Variants in NBPF12 observed in about 807,000 individuals in gnomAD.
NBPF12 encodes NBPF family member NBPF12.
NBPF12 carries 115 observed loss-of-function variants against 146.4 expected under a neutral mutation model. The ratio of observed to expected loss-of-function variants is 0.79; its 90% CI spans 0.68 to 0.92. The LOEUF is 0.92. Among genes scored for constraint, NBPF12 ranks in the 40% least tolerant of loss-of-function variants. The pLI is 0.00. For synonymous variants in NBPF12, 385 were observed against 508.9 expected (o/e 0.76, Z 3.28); for missense variants, 1,205 against 1,326.8 (o/e 0.91, Z 1.43).
chr1:146,970,632 A>C lies in NBPF12; in HGVS notation c.1307-15A>C, dbSNP rs1656541194. On this transcript the variant is annotated splice_polypyrimidine_tract_variant and intron_variant, in intron 11 of 33. Coordinates refer to ENST00000617844, the Ensembl canonical transcript of NBPF12. ...TGAAGTGGAAAATATCTGAACGAAC[A>C]TTTTGTATTTATAGAAAATGATGAA... is the stretch of plus-strand genomic sequence containing the variant. 6.4e-7 allele frequency: 1 copy of C among 1,556,386 alleles called. No individual in the cohort carries two copies. Among genetic ancestry groups the C allele is most frequent in the Non-Finnish European group, 8.8e-7 (1 of 1,131,120 alleles).
chr1:146,971,640 A>G (rs1421355989), intron 13 of NBPF12, among the ~76,000 whole-genome samples: 1 of 149,298 alleles, frequency 6.7e-6, no homozygotes, highest in East Asian at 2.0e-4. Flanking sequence ...AATACAAAAA[A>G]TTAGGCAGTC....
intron 18 of NBPF12, among the ~76,000 whole-genome samples, chr1:146,978,340 G>T (rs1433985201): frequency 7.1e-6 from 1 of 140,568 alleles, no homozygotes; most frequent in East Asian, 2.2e-4. Context: ...TCTTGACTTG[G>T]TGCAACCTCT....
At chr1:146,972,027 G>A (rs1465651726) in intron 13 of NBPF12, among the ~76,000 whole-genome samples, 1 of 148,828 alleles carries the variant, frequency 6.7e-6, no homozygotes, top group Non-Finnish European at 1.5e-5. Flanking sequence ...ACCGGATCTT[G>A]CAGTGAGCCG....
intron 9 of NBPF12, among the ~76,000 whole-genome samples, chr1:146,967,795 T>C (rs1265550252): frequency 1.2e-4 from 18 of 150,666 alleles, no homozygotes; most frequent in African/African-American, 4.2e-4. Context: ...CTATTTCTTG[T>C]CAATCTCATA....
exon 12 of NBPF12, chr1:146,970,714 C>T (rs2101874363): frequency 3.7e-6 from 5 of 1,360,590 alleles, no homozygotes; most frequent in East Asian, 4.6e-5. Context: ...AATCATCTTC[C>T]CCCAGGTGAC....
chr1:146,966,026 G>C (rs1432895003), intron 8 of NBPF12, among the ~76,000 whole-genome samples: 1 of 151,702 alleles, frequency 6.6e-6, no homozygotes, highest in African/African-American at 2.4e-5. Flanking sequence ...AGAATCGCTT[G>C]AACCCGGGAG....
In NBPF12 at chr1:146,994,684, T is replaced by A. The variant is rs587719822; in HGVS notation, c.*109T>A. 3.3e-4 allele frequency: 502 copies of A among 1,529,426 alleles called. 3 individuals carry two copies. The South Asian group carries it at 5.8e-3, about 18-fold the overall frequency. The allele number at this position is 1,529,426 out of a possible 1,614,324, so 94.7% of individuals were successfully genotyped here. A position where few individuals can be genotyped will look rare whatever the true frequency, so the allele number is the denominator to read the frequency against. On this transcript the variant is annotated 3_prime_UTR_variant, in exon 34 of 34. Coordinates refer to ENST00000617844, the Ensembl canonical transcript of NBPF12. ...TTTGGAAGCCCAGACATAGGATGGG[T>A]CAGTGGGCATGGCTCTATTCCTATT... is the stretch of plus-strand genomic sequence containing the variant.
At chr1:146,976,685 T>G (rs1657055608) in intron 16 of NBPF12, among the ~76,000 whole-genome samples, 1 of 151,660 alleles carries the variant, frequency 6.6e-6, no homozygotes, top group African/African-American at 2.4e-5. Flanking sequence ...CCTCCAGTGA[T>G]ATGGGAAGCA....
chr1:146,992,244 A>C (rs1658214577), intron 31 of NBPF12, among the ~76,000 whole-genome samples, 198 bp downstream of exon 34: 1 of 132,798 alleles, frequency 7.5e-6, no homozygotes, highest in South Asian at 2.3e-4. Flanking sequence ...TTACTAACCT[A>C]CTGCAGGTGG....
chr1:146,976,604 C>T (rs1174838933), intron 16 of NBPF12, among the ~76,000 whole-genome samples: 2 of 149,764 alleles, frequency 1.3e-5, no homozygotes, highest in Non-Finnish European at 2.9e-5. Context: ...GGACACCAAG[C>T]CTGTTCCTGG....
chr1:146,945,068 T>A (rs1306418816), upstream of NBPF12, among the ~76,000 whole-genome samples: 1 of 57,772 alleles, frequency 1.7e-5, no homozygotes, highest in South Asian at 8.6e-4. Flanking sequence ...CCCTCCCTTC[T>A]TTTCTTCCTC....
chr1:146,949,052 T>C (rs1333511408), upstream of NBPF12, among the ~76,000 whole-genome samples: 1 of 151,968 alleles, frequency 6.6e-6, no homozygotes, highest in Non-Finnish European at 1.5e-5. Context: ...TCTCCACTAT[T>C]ATCCTATTGT....
At chr1:146,948,162 T>C (rs1235662515), upstream of NBPF12, among the ~76,000 whole-genome samples, 19 of 151,936 alleles carry the variant, frequency 1.3e-4, no homozygotes, top group African/African-American at 3.9e-4. Flanking sequence ...AGGCGCCTGC[T>C]ACCACACCTG....
intron 27 of NBPF12, among the ~76,000 whole-genome samples, chr1:146,989,237 A>G (rs1279961027): frequency 2.1e-5 from 3 of 139,742 alleles, no homozygotes; most frequent in Non-Finnish European, 4.8e-5. Context: ...CACTCTTTTC[A>G]TGATCACAGT....
intron 4 of NBPF12, among the ~76,000 whole-genome samples, 178 bp from the exon 8 acceptor site, chr1:146,961,983 A>G (rs2101847215): frequency 6.6e-6 from 1 of 152,130 alleles, no homozygotes; most frequent in South Asian, 2.1e-4. Context: ...TAAATTTTGG[A>G]GGATCAGATG....
intron 4 of NBPF12, among the ~76,000 whole-genome samples, chr1:146,961,325 G>C (rs1433138541): frequency 0.03 from 4,618 of 151,472 alleles, 269 homozygotes; most frequent in African/African-American, 0.1. Context: ...CCCTCAGCCT[G>C]TCTCCTGGGC....
rs1553884492 is a variant in NBPF12, at chr1:146,957,841, A to AATATAT, written c.-183-2008_-183-2003dup. ...CACTTAAAAAAGAAAAAAAAAATATAATATATATATATATACACGTGTTAT... is the reference window on the plus strand; with the variant it reads ...CACTTAAAAAAGAAAAAAAAAATATAATATATATATATATATATATACACGTGTTAT... On this transcript the variant is annotated intron_variant, in intron 2 of 33. Transcript: ENST00000617844. Among the ~76,000 whole-genome samples the AATATAT allele has an allele frequency of 1.0e-3, 120 of 116,958 alleles. 5 individuals carry two copies. The highest frequency in any genetic ancestry group is 3.5e-3 in the African/African-American group (116 of 33,580). The allele number at this position is 116,958 out of a possible 152,430, so 76.7% of individuals were successfully genotyped here.
intron 1 of NBPF12, among the ~76,000 whole-genome samples, chr1:146,942,595 CAAATA>C (rs1251754780): frequency 1.3e-5 from 2 of 149,266 alleles, no homozygotes; most frequent in East Asian, 2.0e-4. Flanking sequence ...CACCATCTAA[CAAATA>C]AAATAGCTTG....
chr1:146,962,529 T>C, intron 5 of NBPF12, among the ~76,000 whole-genome samples: 1 of 151,692 alleles, frequency 6.6e-6, no homozygotes, highest in East Asian at 1.9e-4. Flanking sequence ...ACCAAAGGAG[T>C]GGGAACCACC....
Sources: allele counts gnomAD v4.1 joint callset (sites outside exome capture counted in the v4.1 genomes callset), GRCh38; gene constraint gnomAD v4.1.1; transcripts MANE v1.5; gene names NCBI Gene and HGNC (gene_info 2026-07-23, HGNC 2026-07-21).